PHF19: variants seen among roughly 807,000 people sequenced by gnomAD.
The protein encoded by PHF19 is PHD finger protein 19, also known as polycomb like 3.
A neutral mutation model predicts 79.8 loss-of-function variants in PHF19; 21 were observed. The observed-to-expected ratio is 0.26, with a 90% CI of 0.19 to 0.38. The LOEUF (loss-of-function observed/expected upper bound fraction) is 0.38. PHF19 is among the 10% of genes least tolerant of loss of function. The pLI is 1.00. For synonymous variants in PHF19, 273 were observed against 296.3 expected (o/e 0.92, Z 0.81); for missense variants, 445 against 744.2 (o/e 0.60, Z 4.68).
In PHF19 at chr9:120,862,049, A is replaced by G; in HGVS notation, c.1131-44T>C. On this transcript the variant is annotated intron_variant, in intron 11 of 14. Coordinates refer to ENST00000373896, the MANE Select transcript of PHF19 (RefSeq NM_015651.3). The surrounding 1 kb of genome is among the most constrained non-coding windows in gnomAD (Gnocchi z 4.6). Reference sequence around the variant, plus strand: ...GAGAAGGTGGCCCCGTCAGAGCCTGAGGGCCCTAGGGTGGCCCAGAGGGAG... The same window carrying G: ...GAGAAGGTGGCCCCGTCAGAGCCTGGGGGCCCTAGGGTGGCCCAGAGGGAG... 1 of 1,455,094 alleles carries G rather than the reference A, an allele frequency of 6.9e-7. No individual in the cohort carries two copies. The highest frequency in any genetic ancestry group is 9.7e-7 in the Non-Finnish European group (1 of 1,034,760). The allele number at this position is 1,455,094 out of a possible 1,614,324, so 90.1% of individuals were successfully genotyped here.
rs1477924207 is a variant in PHF19 at position 120,866,067 on chromosome 9, T to C, written c.740A>G (p.Asn247Ser). ...RFYLFFCSVCNQGPEYIERLP... is the reference protein window; with the variant it reads ...RFYLFFCSVCSQGPEYIERLP... The stretch of plus-strand genomic sequence containing the variant: ...CCTCTCGATGTACTCTGGGCCCTGG[T>C]TACACACGGAGCAGAAGAACAGGTA... Residue 247 changes from asparagine (N) to serine (S), a missense_variant, in exon 8 of 15, where the codon AAC becomes AGC. Physicochemically the swap from Asn to Ser is conservative, Grantham distance 46 (BLOSUM62 1). Transcript: ENST00000373896. The surrounding 1 kb of genome is among the most constrained non-coding windows in gnomAD (Gnocchi z 5.2). 1 of 1,613,852 alleles carries C rather than the reference T, an allele frequency of 6.2e-7. No individual in the cohort carries two copies.
chr9:120,868,959 G>C, intron 6 of PHF19: 1 of 409,576 alleles, frequency 2.4e-6, no homozygotes, highest in Non-Finnish European at 3.2e-6. Flanking sequence ...CTCCGCAGCG[G>C]CTGACCCCCC....
rs747233601 is a variant in PHF19 at position 120,861,197 on chromosome 9, G to A, written c.1219-23C>T. ...ACTCTGTGGACACAGGAAGGAGAGAGGAAGGGTCAGACAGCGAGTATCAAA... is the reference window on the plus strand; with the variant it reads ...ACTCTGTGGACACAGGAAGGAGAGAAGAAGGGTCAGACAGCGAGTATCAAA... On this transcript the variant is annotated intron_variant, in intron 12 of 14. Coordinates refer to ENST00000373896, the MANE Select transcript of PHF19 (RefSeq NM_015651.3). 5.1e-6 allele frequency: 7 copies of A among 1,372,352 alleles called. No individual in the cohort carries two copies. In the Admixed American group the frequency reaches 1.0e-4, roughly 20 times the overall value. The allele number at this position is 1,372,352 out of a possible 1,614,324, so 85.0% of individuals were successfully genotyped here.
intron 1 of PHF19, among the ~76,000 whole-genome samples, chr9:120,889,202 C>T (rs1325446350): frequency 9.2e-5 from 14 of 152,032 alleles, no homozygotes; most frequent in African/African-American, 2.2e-4. Flanking sequence ...CTGAGGCGGG[C>T]GGATCACGAG....
chr9:120,894,921 T>C, upstream of PHF19: 1 of 604,874 alleles, frequency 1.7e-6, no homozygotes, highest in Admixed American at 4.5e-5. Context: ...AGTCGACTCC[T>C]TAAATAACCC....
chr9:120,885,419 A>G (rs755702421), intron 1 of PHF19, among the ~76,000 whole-genome samples: 1 of 152,132 alleles, frequency 6.6e-6, no homozygotes, highest in Non-Finnish European at 1.5e-5. Context: ...CTCTACTAAA[A>G]GTACAAAAAT....
intron 1 of PHF19, 57 bp downstream of exon 1, chr9:120,877,034 A>C: frequency 1.0e-6 from 1 of 985,252 alleles, no homozygotes; most frequent in Non-Finnish European, 1.2e-6. Flanking sequence ...AAAGAGAGGG[A>C]TGAGGGCCGG....
At chr9:120,893,139 A>G (rs2046363288) in intron 1 of PHF19, among the ~76,000 whole-genome samples, 1 of 152,224 alleles carries the variant, frequency 6.6e-6, no homozygotes, top group Non-Finnish European at 1.5e-5. Context: ...GGCAGCTGTG[A>G]TTATTTCAAC....
At chr9:120,894,953 G>A (rs2046387747), upstream of PHF19, 8 of 423,000 alleles carry the variant, frequency 1.9e-5, no homozygotes, top group Admixed American at 4.6e-5. Context: ...CGCCAGCCTC[G>A]GCTCCACCAA....
upstream of PHF19, among the ~76,000 whole-genome samples, chr9:120,899,426 G>A (rs2046423704): frequency 6.6e-6 from 1 of 150,498 alleles, no homozygotes. Flanking sequence ...AACCTGGGAG[G>A]CAGAGCTTGC....
chr9:120,862,762 A>G lies in PHF19; in HGVS notation c.969-13T>C. On this transcript the variant is annotated splice_polypyrimidine_tract_variant and intron_variant, in intron 10 of 14. Transcript: ENST00000373896. The surrounding 1 kb of genome is among the most constrained non-coding windows in gnomAD (Gnocchi z 4.6). ...GCCGCAGAGGAACCTGGGGGTGGGCAGTGGGAGGAAGAAGCTCTGGAGTCT... is the reference window on the plus strand; with the variant it reads ...GCCGCAGAGGAACCTGGGGGTGGGCGGTGGGAGGAAGAAGCTCTGGAGTCT... The G allele has an allele frequency of 6.2e-7, 1 of 1,613,720 alleles. No homozygotes were observed. Among genetic ancestry groups the G allele is most frequent in the Non-Finnish European group, 8.5e-7 (1 of 1,179,720 alleles).
chr9:120,872,037 CAAAAAAAAAAAAAAAAAAAA>C (rs1170243737), intron 3 of PHF19, among the ~76,000 whole-genome samples: 5 of 30,322 alleles, frequency 1.6e-4, no homozygotes, highest in South Asian at 2.5e-3. Flanking sequence ...GACTCTGTCT[CAAAAAAAAAAAAAAAAAAAA>C]AAAAAAAAAA....
upstream of PHF19, among the ~76,000 whole-genome samples, chr9:120,897,449 T>C (rs1349547222): frequency 6.6e-6 from 1 of 152,172 alleles, no homozygotes; most frequent in Non-Finnish European, 1.5e-5. Flanking sequence ...ATAAAGGAGC[T>C]TGGTTTCAGG....
At chr9:120,858,810 AT>A (rs1416104871) in intron 14 of PHF19, among the ~76,000 whole-genome samples, 5 of 62,084 alleles carry the variant, frequency 8.1e-5, no homozygotes, top group Admixed American at 1.8e-4. Context: ...ACTGACAGAC[AT>A]CACACACACA....
At position 120,866,933 on chromosome 9, in the gene PHF19, C is replaced by T; in HGVS notation, c.647G>A (p.Cys216Tyr). 1 of 1,612,242 alleles carries T rather than the reference C, an allele frequency of 6.2e-7. No individual in the cohort carries two copies. Among genetic ancestry groups the T allele is most frequent in the Non-Finnish European group, 8.5e-7 (1 of 1,178,306 alleles). The change falls in exon 7 of 15, where the codon TGC becomes TAC. Residue 216 changes from cysteine to tyrosine, a missense_variant. This residue lies in a region of PHF19 where 167 missense variants were observed against 375.8 expected (regional missense o/e 0.44). Coordinates refer to ENST00000373896, the MANE Select transcript of PHF19 (RefSeq NM_015651.3). The surrounding 1 kb of genome is among the most constrained non-coding windows in gnomAD (Gnocchi z 5.2). Reference protein sequence around the residue: ...WYLRMLQCYRCRQWFHEACTQ... With the variant: ...WYLRMLQCYRYRQWFHEACTQ... ...GCAGGCCTCGTGGAACCACTGCCTG[C>T]ACCGGTAACATTGCAGCATCCGCAG...
chr9:120,865,212 C>T lies in PHF19; in HGVS notation c.900+498G>A, dbSNP rs539920242. Among the ~76,000 whole-genome samples, 10 of 152,194 alleles carry T rather than the reference C, an allele frequency of 6.6e-5. No homozygotes were observed. The South Asian group carries it at 2.1e-3, about 31-fold the overall frequency. ...TGTCATTAGGGAAAAGAAGACACAGCACCCCCGTGGGAGTGATTAGGGAGG... is the reference window on the plus strand; with the variant it reads ...TGTCATTAGGGAAAAGAAGACACAGTACCCCCGTGGGAGTGATTAGGGAGG... On this transcript the variant is annotated intron_variant, in intron 9 of 14. Coordinates refer to ENST00000373896, the MANE Select transcript of PHF19 (RefSeq NM_015651.3).
chr9:120,881,077 A>C (rs959275363), upstream of PHF19, among the ~76,000 whole-genome samples: 10 of 151,810 alleles, frequency 6.6e-5, no homozygotes, highest in African/African-American at 2.4e-4. Context: ...CAAAGACCCT[A>C]GATTTAGAAT....
rs532789091 is a variant in PHF19 at position 120,870,359 on chromosome 9, C to G, written c.364+84G>C. 3 of 829,214 alleles carry G rather than the reference C, an allele frequency of 3.6e-6. No homozygotes were observed. Among genetic ancestry groups the G allele is most frequent in the Non-Finnish European group, 6.1e-6 (3 of 490,752 alleles). 51.4% of individuals were successfully genotyped at this position (829,214 alleles called of 1,614,324 possible). ...AACAGGAAGCCAGCTGAGGCCCCAA[C>G]AGGCTGCAGCAGTACCCGTCAGGGG... On this transcript the variant is annotated intron_variant, in intron 4 of 14. Transcript: ENST00000373896. The surrounding 1 kb of genome is among the most constrained non-coding windows in gnomAD (Gnocchi z 4.4).
chr9:120,874,627 T>C lies in PHF19; in HGVS notation c.115A>G (p.Lys39Glu), dbSNP rs1403666001. 5.0e-6 allele frequency: 8 copies of C among 1,614,074 alleles called. No individual in the cohort carries two copies. Among genetic ancestry groups the C allele is most frequent in the Non-Finnish European group, 6.8e-6 (8 of 1,179,890 alleles). ...VKNNFKDLMSKLTEGQYVLCR... is the reference protein window; with the variant it reads ...VKNNFKDLMSELTEGQYVLCR... The stretch of plus-strand genomic sequence containing the variant: ...AGCACATACTGGCCCTCCGTCAGTT[T>C]GGACATCAAGTCTTTGAAGTTGTTC... Residue 39 changes from lysine (K) to glutamate (E), a missense_variant, in exon 2 of 15, where the codon AAA becomes GAA. Coordinates refer to ENST00000373896, the MANE Select transcript of PHF19 (RefSeq NM_015651.3). This position sits in a 1 kb window ranked among gnomAD's most constrained non-coding sequence, Gnocchi z 4.5.
Sources: allele counts gnomAD v4.1 joint callset (sites outside exome capture counted in the v4.1 genomes callset), GRCh38; gene constraint gnomAD v4.1.1; regional missense constraint gnomAD v4.1.1; non-coding constraint Gnocchi (gnomAD v3.1); transcripts MANE v1.5; gene names NCBI Gene and HGNC (gene_info 2026-07-23, HGNC 2026-07-21).